The following APOO variants were observed in gnomAD, a reference collection of about 807,000 sequenced individuals.
The protein encoded by APOO is MICOS complex subunit MIC26.
Under a neutral mutation model 23.1 loss-of-function variants are expected in APOO, and 11 were observed. That is an observed-to-expected ratio of 0.48 (90% confidence interval 0.30 to 0.79). APOO has a LOEUF of 0.79. Ranked by LOEUF, APOO falls within the 30% of genes least tolerant of loss-of-function variation. APOO has a pLI of 0.07. For missense variants in APOO, 160 were observed against 142.7 expected, an observed-to-expected ratio of 1.12 and a Z score of -0.62; for synonymous variants, 59 against 54.8, an observed-to-expected ratio of 1.08 and a Z score of -0.34.
At chrX:23,842,807 G>T (rs1924047742) in intron 7 of APOO, among the ~76,000 whole-genome samples, 1 of 111,964 alleles carries the variant, frequency 8.9e-6, no homozygotes, top group Admixed American at 9.5e-5. Context: ...TCAGGAGTTC[G>T]AGACCAGCCT....
At chrX:23,857,656 C>A (rs929686118) in intron 6 of APOO, among the ~76,000 whole-genome samples, 1 of 111,614 alleles carries the variant, frequency 9.0e-6, no homozygotes, top group Non-Finnish European at 1.9e-5. Flanking sequence ...GGCTCAGAGT[C>A]CAATTTGGGT....
chrX:23,836,467 A>G (rs760078187), intron 8 of APOO, among the ~76,000 whole-genome samples: 2 of 111,256 alleles, frequency 1.8e-5, no homozygotes, highest in East Asian at 5.6e-4. Context: ...GGCGCACGCC[A>G]CCATGTCTGG....
At chrX:23,861,141 C>T (rs1486393662) in intron 5 of APOO, among the ~76,000 whole-genome samples, 1 of 110,740 alleles carries the variant, frequency 9.0e-6, no homozygotes, top group Non-Finnish European at 1.9e-5. Context: ...GTTGTTCTCT[C>T]TGAATCTCAT....
In APOO at chrX:23,844,709, T is replaced by C. The variant is rs142475647; in HGVS notation, c.562-4332A>G. ...ACCCTGCTGACACCTTGATTTAGAA[T>C]TGGACTTCTGACCCACAGAACTAAG... On this transcript the variant is annotated intron_variant, in intron 7 of 8. Transcript: ENST00000379226. 0.035 allele frequency among the ~76,000 whole-genome samples: 3,967 copies of C among 111,977 alleles called. 366 individuals are homozygous for C. The East Asian group carries it at 0.49, about 14-fold the overall frequency.
chrX:23,852,151 T>C (rs1383787762), intron 7 of APOO, among the ~76,000 whole-genome samples: 1 of 110,672 alleles, frequency 9.0e-6, no homozygotes, highest in African/African-American at 3.3e-5. Flanking sequence ...CTCAAACTTC[T>C]GGGCTCAAGT....
intron 8 of APOO, among the ~76,000 whole-genome samples, chrX:23,835,875 T>C (rs139851767): frequency 1.6e-4 from 18 of 112,395 alleles, no homozygotes; most frequent in Non-Finnish European, 3.2e-4. Flanking sequence ...AATTCTTTTT[T>C]TCCCCTCCCA....
Position 23,882,201 on chromosome X carries a change from T to C in APOO, c.10-1249A>G, listed in dbSNP as rs767855090. Among the ~76,000 whole-genome samples the C allele has an allele frequency of 1.3e-3, 145 of 112,091 alleles. 2 individuals carry two copies. Among genetic ancestry groups the C allele is most frequent in the African/African-American group, 4.6e-3 (141 of 30,886 alleles). On this transcript the variant is annotated intron_variant, in intron 1 of 8. Transcript: ENST00000379226. ...AAGATGCACACTTAATACTTCAAGA[T>C]GTATCAATTGTTTTTAAACCAGTTA...
chrX:23,878,782 A>G, intron 3 of APOO, 133 bp downstream of exon 3: 1 of 841,278 alleles, frequency 1.2e-6, no homozygotes, highest in Non-Finnish European at 1.6e-6. Flanking sequence ...GACCCCCACT[A>G]CCCTTCCCAG....
At chrX:23,872,521 T>TTATATA (rs773219545) in intron 4 of APOO, among the ~76,000 whole-genome samples, 5,235 of 93,100 alleles carry the variant, frequency 0.056, 161 homozygotes, top group South Asian at 0.12. Flanking sequence ...TTATGAGAAT[T>TTATATA]TATATATATA....
In APOO at chrX:23,907,909, G is replaced by A. The variant is rs533704352; in HGVS notation, c.-207C>T. The A allele has an allele frequency of 8.3e-4, 336 of 402,859 alleles. 4 individuals carry two copies. The South Asian group carries it at 0.019, about 23-fold the overall frequency. The allele number at this position is 402,859 out of a possible 1,213,427, so 33.2% of individuals were successfully genotyped here. On this transcript the variant is annotated 5_prime_UTR_variant, in exon 1 of 9. It adds an upstream start codon to the 5' untranslated region. Coordinates refer to ENST00000379226, the MANE Select transcript of APOO (RefSeq NM_024122.5). ...AAGCCGCGTCGCTGAGCCGCAGCGC[G>A]TCGCGCCCGGGCAGCGGGTGAACGC... is the stretch of plus-strand genomic sequence containing the variant.
At chrX:23,854,846 A>T (rs779301828) in intron 7 of APOO, among the ~76,000 whole-genome samples, 1 of 110,177 alleles carries the variant, frequency 9.1e-6, no homozygotes, top group South Asian at 3.8e-4. Context: ...AATTTTTTAA[A>T]AAGGAAAGGA....
chrX:23,855,289 T>C (rs1018127301), intron 7 of APOO, among the ~76,000 whole-genome samples: 4 of 110,251 alleles, frequency 3.6e-5, no homozygotes, highest in Non-Finnish European at 7.6e-5. Context: ...ACTCCCAATG[T>C]GCTGGGCGTG....
chrX:23,886,064 T>TC (rs1181506777), intron 1 of APOO, among the ~76,000 whole-genome samples: 2 of 111,295 alleles, frequency 1.8e-5, no homozygotes, highest in African/African-American at 6.5e-5. Context: ...TTTGGCAGCA[T>TC]CCCTAGCCTC....
intron 1 of APOO, among the ~76,000 whole-genome samples, chrX:23,904,013 AAT>A (rs1481745852): frequency 1.8e-5 from 2 of 111,637 alleles, no homozygotes; most frequent in African/African-American, 6.5e-5. Context: ...AACCCAGGTT[AAT>A]CTACCCTTCA....
intron 7 of APOO, among the ~76,000 whole-genome samples, chrX:23,845,136 A>G (rs1435595256): frequency 8.9e-6 from 1 of 112,028 alleles, no homozygotes; most frequent in African/African-American, 3.2e-5. Flanking sequence ...CACTGATACC[A>G]AGAGTGCATT....
chrX:23,890,581 G>A (rs763297723), intron 1 of APOO, among the ~76,000 whole-genome samples: 44 of 112,240 alleles, frequency 3.9e-4, no homozygotes, highest in Non-Finnish European at 5.8e-4. Flanking sequence ...TGTAGAAACC[G>A]CACTTTGAGT....
At chrX:23,859,302 A>G (rs1924911830) in intron 5 of APOO, among the ~76,000 whole-genome samples, 1 of 111,848 alleles carries the variant, frequency 8.9e-6, no homozygotes, top group South Asian at 3.7e-4. Flanking sequence ...GTGTGTAACC[A>G]TCATTACAAT....
rs190047360 is a variant in APOO, at chrX:23,864,716, C to T, written c.388+3877G>A. Among the ~76,000 whole-genome samples the T allele has an allele frequency of 4.5e-5, 5 of 112,307 alleles. No homozygotes were observed. In the East Asian group the frequency reaches 1.4e-3, roughly 31 times the overall value. ...GGAACTGGGACTGCTGAAGAGAATA[C>T]AAATGTTATCAACCTAGACTATTAA... On this transcript the variant is annotated intron_variant, in intron 5 of 8. Transcript: ENST00000379226.
At chrX:23,858,869 G>C in intron 5 of APOO, 136 bp from the exon 6 acceptor site, 1 of 498,322 alleles carries the variant, frequency 2.0e-6, no homozygotes, top group African/African-American at 2.4e-5. Context: ...GGGAGGCCGA[G>C]GCGGGAGGAT....
Sources: allele counts gnomAD v4.1 joint callset (sites outside exome capture counted in the v4.1 genomes callset), GRCh38; gene constraint gnomAD v4.1.1; transcripts MANE v1.5; gene names NCBI Gene and HGNC (gene_info 2026-07-23, HGNC 2026-07-21).